KMT5C: variants seen among roughly 807,000 people sequenced by gnomAD.
KMT5C encodes histone-lysine N-methyltransferase KMT5C.
In KMT5C, 16 loss-of-function variants were observed where a neutral mutation model predicts 38.2. That is an observed-to-expected ratio of 0.42 (90% confidence interval 0.28 to 0.64). The LOEUF is 0.64. KMT5C is among the 30% of genes least tolerant of loss of function. The pLI is 0.23. For synonymous variants in KMT5C, 291 were observed against 279.0 expected (o/e 1.04, Z -0.43); for missense variants, 598 against 665.1 (o/e 0.90, Z 1.11).
chr19:55,341,966 A>C lies in KMT5C; in HGVS notation c.30A>C (p.Glu10Asp). The stretch of plus-strand genomic sequence containing the variant: ...GGCCCGACAGAGTGACAGCACGAGA[A>C]CTGTGCGAGAACGACGACCTGGCCA... MGPDRVTAR[E>D]LCENDDLATS... Residue 10 changes from glutamate to aspartate, a missense_variant, in exon 2 of 9, where the codon GAA becomes GAC. Transcript: ENST00000255613. 1 of 1,613,596 alleles carries C rather than the reference A, an allele frequency of 6.2e-7. No homozygotes were observed. The highest frequency in any genetic ancestry group is 8.5e-7 in the Non-Finnish European group (1 of 1,179,906).
Position 55,347,030 on chromosome 19 carries a change from C to T in KMT5C, c.970C>T (p.Pro324Ser), listed in dbSNP as rs374063419. The change falls in exon 9 of 9, where the codon CCT becomes TCT. Residue 324 changes from proline (P) to serine (S), a missense_variant. This residue lies in a region of KMT5C where 326 missense variants were observed against 298.1 expected (regional missense o/e 1.09). Transcript: ENST00000255613. This position sits in a 1 kb window ranked among gnomAD's most constrained non-coding sequence, Gnocchi z 4.6. ...DTSPLWLQWL[P>S]QPQPRVRPRK... ...CTCACCCCTCTGGCTCCAGTGGCTG[C>T]CTCAGCCCCAGCCCCGAGTGCGGCC... is the stretch of plus-strand genomic sequence containing the variant. 11 of 1,493,252 alleles carry T rather than the reference C, an allele frequency of 7.4e-6. No homozygotes were observed. Among genetic ancestry groups the T allele is most frequent in the Non-Finnish European group, 7.4e-6 (8 of 1,086,274 alleles). 92.5% of individuals were successfully genotyped at this position (1,493,252 alleles called of 1,614,324 possible).
rs765232637 is a variant in KMT5C, at chr19:55,343,892, G to C, written c.550+49G>C. ...GCAGGACGGGATAGAGCCAGGCAGG[G>C]CTGGAGGGGTGTAGTGGGAGGGTTC... On this transcript the variant is annotated intron_variant, in intron 5 of 8. Transcript: ENST00000255613. The surrounding 1 kb of genome is among the most constrained non-coding windows in gnomAD (Gnocchi z 5.5). The C allele has an allele frequency of 7.5e-6, 12 of 1,608,136 alleles. No homozygotes were observed. The Admixed American group carries it at 1.8e-4, about 25-fold the overall frequency.
Position 55,347,566 on chromosome 19 carries a change from G to T in KMT5C, c.*117G>T. 7.1e-7 allele frequency: 1 copy of T among 1,413,960 alleles called. No homozygotes were observed. Among genetic ancestry groups the T allele is most frequent in the Non-Finnish European group, 9.2e-7 (1 of 1,086,502 alleles). 87.6% of individuals were successfully genotyped at this position (1,413,960 alleles called of 1,614,324 possible). A position where few individuals can be genotyped will look rare whatever the true frequency, so the allele number is the denominator to read the frequency against. On this transcript the variant is annotated 3_prime_UTR_variant, in exon 9 of 9. Coordinates refer to ENST00000255613, the MANE Select transcript of KMT5C (RefSeq NM_032701.4). The surrounding 1 kb of genome is among the most constrained non-coding windows in gnomAD (Gnocchi z 4.6). Reference sequence around the variant, plus strand: ...GGAGCTGACCCTTGACTCCAGCATAGCTCTGACCCTGGAATGGGGTTGGTT... The same window carrying T: ...GGAGCTGACCCTTGACTCCAGCATATCTCTGACCCTGGAATGGGGTTGGTT...
At position 55,346,555 on chromosome 19, in the gene KMT5C, C is replaced by T. The variant is rs754829577; in HGVS notation, c.763C>T (p.Pro255Ser). 5.6e-6 allele frequency: 9 copies of T among 1,595,084 alleles called. No homozygotes were observed. Among genetic ancestry groups the T allele is most frequent in the Non-Finnish European group, 6.8e-6 (8 of 1,171,494 alleles). ...RPREPALPPR[P>S]LDKYQLRETK... ...TAGGGAGCCCGCGTTGCCACCACGG[C>T]CCCTGGACAAGTACCAGCTGCGTGA... The change falls in exon 8 of 9, where the codon CCC (proline) becomes TCC (serine). Residue 255 changes from proline (P) to serine (S), a missense_variant. This residue lies in a region of KMT5C where 105 missense variants were observed against 179.2 expected (regional missense o/e 0.59). Transcript: ENST00000255613.
In KMT5C at chr19:55,342,734, C is replaced by A; in HGVS notation, c.277-8C>A. ...CCGCCTCCTCACCCCCACCCTCACC[C>A]TCACCAGGTCTATCGCTACCTCCGT... On this transcript the variant is annotated splice_polypyrimidine_tract_variant and splice_region_variant and intron_variant, in intron 3 of 8. Transcript: ENST00000255613. 1 of 1,554,482 alleles carries A rather than the reference C, an allele frequency of 6.4e-7. No homozygotes were observed. Among genetic ancestry groups the A allele is most frequent in the Non-Finnish European group, 8.9e-7 (1 of 1,126,096 alleles).
At chr19:55,341,261 G>A (rs1434334564) in intron 1 of KMT5C, among the ~76,000 whole-genome samples, 1 of 152,114 alleles carries the variant, frequency 6.6e-6, no homozygotes, top group Non-Finnish European at 1.5e-5. Flanking sequence ...CTTGGAGAGG[G>A]AGCAGGTGCT....
At chr19:55,341,728 C>T (rs1278019418) in intron 1 of KMT5C, 66 bp from the exon 2 acceptor site, 3 of 586,688 alleles carry the variant, frequency 5.1e-6, no homozygotes, top group Non-Finnish European at 6.1e-6. Context: ...CTCAGAAGTA[C>T]TTGTTGCATT....
chr19:55,342,456 G>A (rs955487759), intron 3 of KMT5C, 76 bp downstream of exon 3: 12 of 1,215,468 alleles, frequency 9.9e-6, no homozygotes, highest in South Asian at 4.7e-5. Flanking sequence ...CCTGGCAGAC[G>A]CTCTAGAGTC....
At chr19:55,342,892 C>T in intron 4 of KMT5C, 41 bp downstream of exon 4, 1 of 1,214,964 alleles carries the variant, frequency 8.2e-7, no homozygotes, top group Non-Finnish European at 1.2e-6. Context: ...TTGGAGGAGA[C>T]AGAGCTCAGA....
intron 1 of KMT5C, 77 bp from the exon 2 acceptor site, chr19:55,341,715 ACT>A (rs1289741647): frequency 1.0e-5 from 6 of 575,094 alleles, no homozygotes; most frequent in African/African-American, 9.4e-5. Flanking sequence ...GGCTTTCCCT[ACT>A]CTCAGAAGTA....
Position 55,347,686 on chromosome 19 carries a change from TCCCCACCCCTGCCCCAG to T in KMT5C, c.*240_*256del. The T allele has an allele frequency of 1.7e-6, 1 of 572,374 alleles. No individual in the cohort carries two copies. Among genetic ancestry groups the T allele is most frequent in the South Asian group, 3.2e-5 (1 of 30,894 alleles). The allele number at this position is 572,374 out of a possible 1,614,324, so 35.5% of individuals were successfully genotyped here. ...AGGGAGCCCCGGCCATTTGCTGCCC[TCCCCACCCCTGCCCCAG>T]CCTCAGGACTGCAGGAGCCATCCGC... On this transcript the variant is annotated 3_prime_UTR_variant, in exon 9 of 9. Coordinates refer to ENST00000255613, the MANE Select transcript of KMT5C (RefSeq NM_032701.4). The surrounding 1 kb of genome is among the most constrained non-coding windows in gnomAD (Gnocchi z 4.6).
intron 6 of KMT5C, chr19:55,344,363 A>G (rs867024701): frequency 2.3e-3 from 358 of 158,568 alleles, no homozygotes; most frequent in African/African-American, 8.5e-3. Flanking sequence ...CTCTGTCTCA[A>G]AAAAAAAAAA....
chr19:55,341,741 A>G (rs751370665), intron 1 of KMT5C, 53 bp from the exon 2 acceptor site: 9 of 593,726 alleles, frequency 1.5e-5, no homozygotes, highest in South Asian at 4.0e-5. Context: ...GTTGCATTCC[A>G]TCTTCGCCAG....
intron 6 of KMT5C, chr19:55,344,212 A>G (rs1034286475): frequency 6.6e-6 from 3 of 456,758 alleles, no homozygotes; most frequent in African/African-American, 4.0e-5. Context: ...AACACAAAAA[A>G]TTAGTCGGGC....
Position 55,343,461 on chromosome 19 carries a change from C to G in KMT5C, c.387-219C>G. ...TGCTGTGTGCGTGCTGCCCTGAAGG[C>G]TTTCAGTAGAAGGGTCCTGTGGGGC... On this transcript the variant is annotated intron_variant, in intron 4 of 8. Transcript: ENST00000255613. The surrounding 1 kb of genome is among the most constrained non-coding windows in gnomAD (Gnocchi z 5.5). The G allele has an allele frequency of 3.4e-6, 2 of 591,284 alleles. No individual in the cohort carries two copies. The highest frequency in any genetic ancestry group is 2.0e-5 in the South Asian group (1 of 49,838). The allele number at this position is 591,284 out of a possible 1,614,324, so 36.6% of individuals were successfully genotyped here.
Position 55,346,589 on chromosome 19 carries a change from G to T in KMT5C, c.797G>T (p.Arg266Leu). 6.3e-7 allele frequency: 1 copy of T among 1,579,810 alleles called. No homozygotes were observed. The highest frequency in any genetic ancestry group is 8.6e-7 in the Non-Finnish European group (1 of 1,163,638). ...LDKYQLRETKRRLQQGLDSGS... is the reference protein window; with the variant it reads ...LDKYQLRETKLRLQQGLDSGS... ...AAGTACCAGCTGCGTGAGACCAAGC[G>T]GCGGCTGCAGCAAGGCCTGGACAGT... The change falls in exon 8 of 9, where the codon CGG becomes CTG. Residue 266 changes from arginine (R) to leucine (L), a missense_variant. Coordinates refer to ENST00000255613, the MANE Select transcript of KMT5C (RefSeq NM_032701.4).
chr19:55,347,293 A>G lies in KMT5C; in HGVS notation c.1233A>G (p.Pro411=), dbSNP rs776857301. 4 of 1,566,220 alleles carry G rather than the reference A, an allele frequency of 2.6e-6. No homozygotes were observed. The highest frequency in any genetic ancestry group is 1.2e-5 in the South Asian group (1 of 86,114). ...VVRVDLRRLA[P]APPATPAPAG... ...GTGTGGACCTTCGTCGCCTGGCCCC[A>G]GCCCCACCAGCTACCCCAGCCCCTG... Residue 411 remains proline (P), a synonymous_variant, in exon 9 of 9, where the codon CCA becomes CCG. Transcript: ENST00000255613. This position sits in a 1 kb window ranked among gnomAD's most constrained non-coding sequence, Gnocchi z 4.6.
Position 55,344,002 on chromosome 19 carries a change from G to C in KMT5C, c.570+5G>C, listed in dbSNP as rs1461117843. On this transcript the variant is annotated splice_donor_5th_base_variant and intron_variant, in intron 6 of 8. Transcript: ENST00000255613. ...GACTGCAAACCCAACTGCAAGGTAA[G>C]GCCTTGGGACTCGGGAGGAGAGGGC... is the stretch of plus-strand genomic sequence containing the variant. The C allele has an allele frequency of 6.2e-7, 1 of 1,611,502 alleles. No homozygotes were observed. The highest frequency in any genetic ancestry group is 2.2e-5 in the East Asian group (1 of 44,796).
intron 6 of KMT5C, chr19:55,345,083 G>T (rs1385683732): frequency 2.2e-6 from 1 of 456,044 alleles, no homozygotes; most frequent in South Asian, 1.5e-5. Context: ...ATTCGGAGAG[G>T]CTCTGCAGGG....
Sources: allele counts gnomAD v4.1 joint callset (sites outside exome capture counted in the v4.1 genomes callset), GRCh38; gene constraint gnomAD v4.1.1; regional missense constraint gnomAD v4.1.1; non-coding constraint Gnocchi (gnomAD v3.1); transcripts MANE v1.5; gene names NCBI Gene and HGNC (gene_info 2026-07-23, HGNC 2026-07-21).